NEGR1: variants seen among roughly 807,000 people sequenced by gnomAD.
NEGR1 encodes neuronal growth regulator 1, also known as IgLON family member 4.
Under a neutral mutation model 40.9 loss-of-function variants are expected in NEGR1, and 10 were observed. That is an observed-to-expected ratio of 0.24 (90% CI 0.15 to 0.42). The LOEUF is 0.42. Ranked by LOEUF, NEGR1 falls within the 10% of genes least tolerant of loss-of-function variation. The pLI is 1.00. For synonymous variants in NEGR1, 185 were observed against 166.8 expected (o/e 1.11, Z -0.84); for missense variants, 352 against 438.9 (o/e 0.80, Z 1.77).
intron 1 of NEGR1, among the ~76,000 whole-genome samples, chr1:71,966,517 T>C (rs1646211040): frequency 6.6e-6 from 1 of 152,166 alleles, no homozygotes; most frequent in African/African-American, 2.4e-5. Flanking sequence ...GGTTGCCCTC[T>C]GCAAAGCTCC....
rs372020938 is a variant in NEGR1 at position 72,136,129 on chromosome 1, T to C, written c.176+146190A>G. Among the ~76,000 whole-genome samples, 9 of 151,658 alleles carry C rather than the reference T, an allele frequency of 5.9e-5. No individual in the cohort carries two copies. In the East Asian group the frequency reaches 7.8e-4, roughly 13 times the overall value. Reference sequence around the variant, plus strand: ...ACATTCATTCAATAAACACATTACATAGAAAAAAAAGCAATAAAAACCGTA... The same window carrying C: ...ACATTCATTCAATAAACACATTACACAGAAAAAAAAGCAATAAAAACCGTA... On this transcript the variant is annotated intron_variant, in intron 1 of 6. Coordinates refer to ENST00000357731, the MANE Select transcript of NEGR1 (RefSeq NM_173808.3).
At chr1:71,924,393 CTT>C (rs1570508380) in intron 2 of NEGR1, among the ~76,000 whole-genome samples, 2 of 152,286 alleles carry the variant, frequency 1.3e-5, no homozygotes, top group East Asian at 3.9e-4. Context: ...CCTGCCTGCT[CTT>C]TTAAAATGGG....
chr1:72,070,224 G>C (rs1273312604), intron 1 of NEGR1, among the ~76,000 whole-genome samples: 1 of 151,968 alleles, frequency 6.6e-6, no homozygotes, highest in African/African-American at 2.4e-5. Context: ...AAGTAGATTG[G>C]CTGCATTAAT....
At chr1:72,134,854 C>T (rs1042328744) in intron 1 of NEGR1, among the ~76,000 whole-genome samples, 13 of 151,364 alleles carry the variant, frequency 8.6e-5, no homozygotes, top group African/African-American at 2.9e-4. Context: ...TCTCCTGCCT[C>T]AGCCTCCCGA....
At chr1:71,651,977 TG>T (rs1651733369) in intron 4 of NEGR1, among the ~76,000 whole-genome samples, 1 of 152,184 alleles carries the variant, frequency 6.6e-6, no homozygotes, top group Non-Finnish European at 1.5e-5. Context: ...TTATACTAAA[TG>T]TTTTATGCCA....
intron 1 of NEGR1, among the ~76,000 whole-genome samples, chr1:72,101,831 T>G (rs2100246664): frequency 6.6e-6 from 1 of 152,270 alleles, no homozygotes; most frequent in South Asian, 2.1e-4. Context: ...AAATGAATGC[T>G]AGAAGTCAAA....
intron 1 of NEGR1, among the ~76,000 whole-genome samples, chr1:72,240,102 G>C (rs1654684802): frequency 6.6e-6 from 1 of 151,794 alleles, no homozygotes. Context: ...CTTGAAGCAA[G>C]AACAAACATT....
chr1:71,573,928 T>C (rs770798440), intron 6 of NEGR1, among the ~76,000 whole-genome samples: 7 of 152,212 alleles, frequency 4.6e-5, no homozygotes, highest in Non-Finnish European at 1.0e-4. Context: ...TTTATCTCTA[T>C]ATATCTGCAG....
In NEGR1 at chr1:71,569,575, G is replaced by A. The variant is rs576717384; in HGVS notation, c.940+23242C>T. ...TAATGATCTAGACTACCGTTTGGGC[G>A]TTTAAAGTTTTAAAGTTTATTTATT... On this transcript the variant is annotated intron_variant, in intron 6 of 6. Transcript: ENST00000357731. Among the ~76,000 whole-genome samples, 48 of 152,252 alleles carry A rather than the reference G, an allele frequency of 3.2e-4. No individual in the cohort carries two copies. The South Asian group carries it at 7.7e-3, about 24-fold the overall frequency.
At chr1:72,013,565 G>T (rs985235821) in intron 1 of NEGR1, among the ~76,000 whole-genome samples, 2 of 151,970 alleles carry the variant, frequency 1.3e-5, no homozygotes, top group Non-Finnish European at 2.9e-5. Flanking sequence ...ATATAATTAT[G>T]ACAGTAAATA....
chr1:72,139,606 C>T (rs1339157863), intron 1 of NEGR1, among the ~76,000 whole-genome samples: 1 of 151,926 alleles, frequency 6.6e-6, no homozygotes, highest in Non-Finnish European at 1.5e-5. Context: ...ACCTGAATAT[C>T]CCTATATCTA....
intron 1 of NEGR1, among the ~76,000 whole-genome samples, chr1:72,178,625 A>G (rs558394909): frequency 2.0e-4 from 30 of 151,810 alleles, no homozygotes; most frequent in Non-Finnish European, 3.4e-4. Context: ...AAACATGACT[A>G]ACTAACTTAC....
chr1:72,018,069 A>AT (rs1281366317), intron 1 of NEGR1, among the ~76,000 whole-genome samples: 2 of 152,148 alleles, frequency 1.3e-5, no homozygotes, highest in Non-Finnish European at 1.5e-5. Context: ...CTGAAAAAAT[A>AT]TTTTTTAAAT....
At chr1:71,834,699 C>T (rs938887765) in intron 2 of NEGR1, among the ~76,000 whole-genome samples, 10 of 152,066 alleles carry the variant, frequency 6.6e-5, no homozygotes, top group African/African-American at 2.4e-4. Context: ...TCAAGAGAAT[C>T]GTGACCAATA....
intron 1 of NEGR1, among the ~76,000 whole-genome samples, chr1:72,050,050 CAAT>C (rs1316878392): frequency 5.9e-5 from 9 of 151,366 alleles, no homozygotes; most frequent in Non-Finnish European, 1.2e-4. Context: ...TTTAAAAAGT[CAAT>C]GATGTTACAA....
chr1:71,587,176 A>G (rs1182581877), intron 6 of NEGR1, among the ~76,000 whole-genome samples: 6 of 152,158 alleles, frequency 3.9e-5, no homozygotes. Flanking sequence ...AACAGAGCCC[A>G]TACAGTTGCT....
At chr1:71,576,556 T>C (rs1429672641) in intron 6 of NEGR1, among the ~76,000 whole-genome samples, 2 of 152,158 alleles carry the variant, frequency 1.3e-5, no homozygotes, top group Non-Finnish European at 2.9e-5. Context: ...AGGGCAGGCC[T>C]AGATATTTGC....
chr1:71,695,216 T>C (rs1236778229), intron 4 of NEGR1, among the ~76,000 whole-genome samples: 21 of 151,798 alleles, frequency 1.4e-4, no homozygotes, highest in Non-Finnish European at 7.4e-5. Flanking sequence ...TATATATGTG[T>C]GGCATCAGTA....
At chr1:72,081,391 T>C (rs1379160906) in intron 1 of NEGR1, among the ~76,000 whole-genome samples, 11 of 152,156 alleles carry the variant, frequency 7.2e-5, no homozygotes, top group Admixed American at 7.2e-4. Context: ...TCTACAGTTA[T>C]TATTCCACAA....
Sources: allele counts gnomAD v4.1 joint callset (sites outside exome capture counted in the v4.1 genomes callset), GRCh38; gene constraint gnomAD v4.1.1; transcripts MANE v1.5; gene names NCBI Gene and HGNC (gene_info 2026-07-23, HGNC 2026-07-21).